The following THSD7A variants were observed in gnomAD, a reference collection of about 807,000 sequenced individuals.
The protein encoded by THSD7A is thrombospondin type 1 domain containing 7A, also known as thrombospondin type-1 domain-containing protein 7A.
A neutral mutation model predicts 231.3 loss-of-function variants in THSD7A; 96 were observed. The observed-to-expected ratio is 0.41, with a 90% CI of 0.35 to 0.49. THSD7A has a LOEUF of 0.49. Ranked by LOEUF, THSD7A falls within the 20% of genes least tolerant of loss-of-function variation. The pLI is 0.05. For synonymous variants in THSD7A, 940 were observed against 743.3 expected (o/e 1.26, Z -4.30); for missense variants, 2,290 against 2,070.2 (o/e 1.11, Z -2.06).
intron 1 of THSD7A, among the ~76,000 whole-genome samples, chr7:11,676,575 T>C (rs1783645581): frequency 6.6e-6 from 1 of 151,980 alleles, no homozygotes; most frequent in African/African-American, 2.4e-5. Flanking sequence ...AGAACATAAA[T>C]GACCTAAGAG....
At chr7:11,463,400 C>G (rs1785577809) in intron 9 of THSD7A, among the ~76,000 whole-genome samples, 1 of 152,226 alleles carries the variant, frequency 6.6e-6, no homozygotes, top group African/African-American at 2.4e-5. Context: ...ATTTCTGGGC[C>G]TATACCCAGG....
chr7:11,402,734 T>A (rs1437237122), intron 22 of THSD7A, among the ~76,000 whole-genome samples: 1 of 152,150 alleles, frequency 6.6e-6, no homozygotes, highest in African/African-American at 2.4e-5. Flanking sequence ...ATATGTACTT[T>A]TTGGTGTCTG....
chr7:11,704,819 G>A (rs547753249), intron 1 of THSD7A, among the ~76,000 whole-genome samples: 39 of 151,066 alleles, frequency 2.6e-4, no homozygotes, highest in African/African-American at 8.0e-4. Context: ...AGACATTTTA[G>A]GGCATAATTT....
chr7:11,459,369 G>A (rs558296296), intron 11 of THSD7A, among the ~76,000 whole-genome samples: 1 of 152,092 alleles, frequency 6.6e-6, no homozygotes, highest in African/African-American at 2.4e-5. Flanking sequence ...ATCAATGCCT[G>A]ATTCAAGAAG....
chr7:11,516,975 TA>T (rs1428109092), intron 6 of THSD7A, among the ~76,000 whole-genome samples: 1 of 152,212 alleles, frequency 6.6e-6, no homozygotes, highest in African/African-American at 2.4e-5. Context: ...AAAATAATAG[TA>T]TTTTTCCTAT....
At chr7:11,577,596 T>C (rs1414780869) in intron 4 of THSD7A, among the ~76,000 whole-genome samples, 1 of 151,452 alleles carries the variant, frequency 6.6e-6, no homozygotes, top group Non-Finnish European at 1.5e-5. Flanking sequence ...GGGTTACAGG[T>C]GTGAGCCACC....
chr7:11,449,929 T>TCGTA, intron 11 of THSD7A, among the ~76,000 whole-genome samples: 1 of 152,054 alleles, frequency 6.6e-6, no homozygotes, highest in East Asian at 1.9e-4. Context: ...CATATGAGAA[T>TCGTA]CGTAAGCTGT....
intron 1 of THSD7A, among the ~76,000 whole-genome samples, chr7:11,763,860 T>C (rs183238195): frequency 7.9e-4 from 121 of 152,278 alleles, no homozygotes; most frequent in African/African-American, 2.7e-3. Context: ...TAAAAACATA[T>C]TAGTTGGAGC....
At chr7:11,777,389 A>T (rs139995160) in intron 1 of THSD7A, among the ~76,000 whole-genome samples, 2,408 of 151,542 alleles carry the variant, frequency 0.016, 31 homozygotes, top group Middle Eastern at 0.092. Flanking sequence ...GTGTAAAAAA[A>T]ACTATGTTTC....
chr7:11,773,800 T>C (rs1783314666), intron 1 of THSD7A, among the ~76,000 whole-genome samples: 2 of 152,046 alleles, frequency 1.3e-5, no homozygotes, highest in African/African-American at 4.8e-5. Flanking sequence ...GTAAACTCAT[T>C]TTAAAAATTA....
rs75744169 is a variant in THSD7A at position 11,770,862 on chromosome 7, C to A, written c.190+60895G>T. On this transcript the variant is annotated intron_variant, in intron 1 of 27. Transcript: ENST00000423059. ...ATTTATGGTAAGTAAAAAGAGAAATCTTTTCAATGTATTTTACTTTTTAAA... is the reference window on the plus strand; with the variant it reads ...ATTTATGGTAAGTAAAAAGAGAAATATTTTCAATGTATTTTACTTTTTAAA... Among the ~76,000 whole-genome samples, 219 of 151,986 alleles carry A rather than the reference C, an allele frequency of 1.4e-3. 3 individuals are homozygous for A. In the East Asian group the frequency reaches 0.033, roughly 23 times the overall value.
At chr7:11,802,817 G>C (rs958011670) in intron 1 of THSD7A, among the ~76,000 whole-genome samples, 1 of 152,060 alleles carries the variant, frequency 6.6e-6, no homozygotes, top group Admixed American at 6.6e-5. Context: ...CATCCATGCA[G>C]ATTTAACTAG....
intron 2 of THSD7A, among the ~76,000 whole-genome samples, chr7:11,613,746 C>T (rs184293335): frequency 2.0e-3 from 297 of 152,304 alleles, no homozygotes; most frequent in African/African-American, 6.3e-3. Context: ...GTGAACAATT[C>T]TACGATCAGC....
At chr7:11,704,683 T>C (rs1584237969) in intron 1 of THSD7A, among the ~76,000 whole-genome samples, 1 of 151,152 alleles carries the variant, frequency 6.6e-6, no homozygotes, top group Admixed American at 6.6e-5. Context: ...GAGGCTAACC[T>C]GGGGTCCACG....
intron 17 of THSD7A, among the ~76,000 whole-genome samples, chr7:11,416,324 A>G (rs145260593): frequency 9.2e-5 from 14 of 152,350 alleles, no homozygotes; most frequent in African/African-American, 3.4e-4. Flanking sequence ...CCTGGGTTCA[A>G]TATTTCCTAT....
At chr7:11,450,618 A>G (rs1785112989) in intron 11 of THSD7A, among the ~76,000 whole-genome samples, 1 of 152,066 alleles carries the variant, frequency 6.6e-6, no homozygotes, top group African/African-American at 2.4e-5. Flanking sequence ...TGGTCTCTCA[A>G]CTTTATGGAT....
intron 6 of THSD7A, among the ~76,000 whole-genome samples, chr7:11,502,087 T>C (rs1430087439): frequency 2.0e-5 from 3 of 151,932 alleles, no homozygotes; most frequent in African/African-American, 4.8e-5. Flanking sequence ...AGGAAAAAAA[T>C]TGATTCCTTG....
intron 1 of THSD7A, among the ~76,000 whole-genome samples, chr7:11,740,501 T>A (rs954987459): frequency 1.3e-5 from 2 of 151,982 alleles, no homozygotes; most frequent in African/African-American, 2.4e-5. Flanking sequence ...ATTCTCCAGC[T>A]GTGGTGGTCT....
At position 11,593,283 on chromosome 7, in the gene THSD7A, A is replaced by G; in HGVS notation, c.1242T>C (p.Ser414=). ...PEFEEKEPCL[S]QGDGVVPCAT... is the part of the protein sequence containing the mutation. ...CACAGGGGACAACTCCATCTCCTTGAGACAAACAGGGTTCTTTTTCTTCAA... is the reference window on the plus strand; with the variant it reads ...CACAGGGGACAACTCCATCTCCTTGGGACAAACAGGGTTCTTTTTCTTCAA... The change falls in exon 3 of 28, where the codon TCT becomes TCC. Residue 414 remains serine (S), a synonymous_variant. Coordinates refer to ENST00000423059, the MANE Select transcript of THSD7A (RefSeq NM_015204.3). 1 of 1,614,000 alleles carries G rather than the reference A, an allele frequency of 6.2e-7. No individual in the cohort carries two copies. Among genetic ancestry groups the G allele is most frequent in the Non-Finnish European group, 8.5e-7 (1 of 1,179,892 alleles).
Sources: allele counts gnomAD v4.1 joint callset (sites outside exome capture counted in the v4.1 genomes callset), GRCh38; gene constraint gnomAD v4.1.1; transcripts MANE v1.5; gene names NCBI Gene and HGNC (gene_info 2026-07-23, HGNC 2026-07-21).